GNA14: variants seen among roughly 807,000 people sequenced by gnomAD.
GNA14 encodes the protein guanine nucleotide-binding protein subunit alpha-14.
GNA14 carries 50 observed loss-of-function variants against 42.0 expected under a neutral mutation model. The ratio of observed to expected loss-of-function variants is 1.19; its 90% CI spans 0.95 to 1.51. The LOEUF (loss-of-function observed/expected upper bound fraction) is 1.51. Among genes scored for constraint, GNA14 ranks in the 40% most tolerant of loss-of-function variants. The pLI is 0.00. For synonymous variants in GNA14, 173 were observed against 163.1 expected, an observed-to-expected ratio of 1.06 and a Z score of -0.46; for missense variants, 473 against 446.2, an observed-to-expected ratio of 1.06 and a Z score of -0.54.
At chr9:77,608,436 C>T (rs2117936746) in intron 1 of GNA14, among the ~76,000 whole-genome samples, 1 of 152,264 alleles carries the variant, frequency 6.6e-6, no homozygotes, top group South Asian at 2.1e-4. Flanking sequence ...ATGAGTTCTT[C>T]CCTGTGAGAG....
rs138752055 is a variant in GNA14 at position 77,529,278 on chromosome 9, C to T, written c.125-25G>A. ...CCTATAAGACAAAACAAGTGGAAAA[C>T]GCTGTCAGCAGACTTCCAAAGGAAC... is the stretch of plus-strand genomic sequence containing the variant. On this transcript the variant is annotated intron_variant, in intron 1 of 6. Coordinates refer to ENST00000341700, the MANE Select transcript of GNA14 (RefSeq NM_004297.4). 1,032 of 1,588,044 alleles carry T rather than the reference C, an allele frequency of 6.5e-4. 3 individuals are homozygous for T. The African/African-American group carries it at 8.6e-3, about 13-fold the overall frequency.
At chr9:77,442,522 T>G (rs2131697800) in intron 2 of GNA14, among the ~76,000 whole-genome samples, 1 of 152,334 alleles carries the variant, frequency 6.6e-6, no homozygotes, top group South Asian at 2.1e-4. Context: ...AGTTGATGGT[T>G]AAGCAGCTCT....
intron 2 of GNA14, among the ~76,000 whole-genome samples, chr9:77,436,380 A>G (rs1835639195): frequency 6.6e-6 from 1 of 152,222 alleles, no homozygotes; most frequent in South Asian, 2.1e-4. Flanking sequence ...TACCTGAATT[A>G]TAAAGTGTTA....
rs151250754 is a variant in GNA14 at position 77,456,738 on chromosome 9, C to G, written c.310-22216G>C. ...TACATCGCTGATGCCAGCCCACATT[C>G]TTTAACCCTACTCCAAAGGATATTA... On this transcript the variant is annotated intron_variant, in intron 2 of 6. Coordinates refer to ENST00000341700, the MANE Select transcript of GNA14 (RefSeq NM_004297.4). Among the ~76,000 whole-genome samples, 1,071 of 152,204 alleles carry G rather than the reference C, an allele frequency of 7.0e-3. 5 individuals carry two copies. The highest frequency in any genetic ancestry group is 9.4e-3 in the Non-Finnish European group (637 of 68,024).
chr9:77,586,432 A>G (rs939542588), intron 1 of GNA14, among the ~76,000 whole-genome samples: 2 of 152,220 alleles, frequency 1.3e-5, no homozygotes, highest in African/African-American at 4.8e-5. Context: ...ATGAAAATAC[A>G]ATTCAGAGTG....
chr9:77,614,359 G>A (rs1261393467), intron 1 of GNA14, among the ~76,000 whole-genome samples: 2 of 152,002 alleles, frequency 1.3e-5, no homozygotes, highest in Non-Finnish European at 2.9e-5. Flanking sequence ...TGTCACACAG[G>A]GTCAGCCTAA....
intron 2 of GNA14, among the ~76,000 whole-genome samples, chr9:77,455,291 A>G (rs542595864): frequency 1.3e-5 from 2 of 152,364 alleles, no homozygotes; most frequent in Middle Eastern, 3.4e-3. Context: ...CTTCAAGGCT[A>G]GCAGAGACTC....
intron 5 of GNA14, among the ~76,000 whole-genome samples, chr9:77,426,540 G>A (rs1027182126): frequency 2.0e-5 from 3 of 152,072 alleles, no homozygotes; most frequent in East Asian, 1.9e-4. Flanking sequence ...TCCTGACCTC[G>A]CGATCCGCCC....
At chr9:77,494,253 A>G (rs986322597) in intron 2 of GNA14, among the ~76,000 whole-genome samples, 1 of 152,188 alleles carries the variant, frequency 6.6e-6, no homozygotes, top group African/African-American at 2.4e-5. Context: ...ATTCTGTTCC[A>G]TATTTTCTCC....
At chr9:77,588,387 G>A (rs922267672) in intron 1 of GNA14, among the ~76,000 whole-genome samples, 1 of 152,168 alleles carries the variant, frequency 6.6e-6, no homozygotes, top group South Asian at 2.1e-4. Context: ...AATGAAGAAT[G>A]TGAAAGTAAC....
chr9:77,558,397 AC>A (rs1736208526), intron 1 of GNA14, among the ~76,000 whole-genome samples: 1 of 152,124 alleles, frequency 6.6e-6, no homozygotes, highest in Non-Finnish European at 1.5e-5. Flanking sequence ...ATTGCTTCAA[AC>A]CTTTATTTTG....
intron 2 of GNA14, among the ~76,000 whole-genome samples, chr9:77,474,431 CA>C (rs1836383782): frequency 6.6e-6 from 1 of 151,834 alleles, no homozygotes; most frequent in Admixed American, 6.6e-5. Flanking sequence ...CCAGGAAACA[CA>C]AATCAAAACC....
chr9:77,602,831 C>A (rs1823590152), intron 1 of GNA14, among the ~76,000 whole-genome samples: 1 of 152,174 alleles, frequency 6.6e-6, no homozygotes, highest in Admixed American at 6.5e-5. Flanking sequence ...TTGAAAGGCC[C>A]TGTGCTTTGT....
chr9:77,606,008 T>C (rs1823640227), intron 1 of GNA14, among the ~76,000 whole-genome samples: 1 of 152,164 alleles, frequency 6.6e-6, no homozygotes, highest in Non-Finnish European at 1.5e-5. Flanking sequence ...TTCCTGTTAA[T>C]GGAGGGAAAA....
chr9:77,560,504 T>C (rs1369907055), intron 1 of GNA14, among the ~76,000 whole-genome samples: 1 of 152,032 alleles, frequency 6.6e-6, no homozygotes, highest in East Asian at 1.9e-4. Context: ...TTTGTAGAGA[T>C]TGGGTTTTCC....
intron 2 of GNA14, among the ~76,000 whole-genome samples, chr9:77,439,032 T>G (rs1273546812): frequency 6.6e-6 from 1 of 152,238 alleles, no homozygotes; most frequent in Non-Finnish European, 1.5e-5. Flanking sequence ...GATCACCTGT[T>G]GCATATAGTG....
chr9:77,525,909 T>TA (rs202169762), intron 2 of GNA14, among the ~76,000 whole-genome samples: 1,423 of 141,470 alleles, frequency 0.01, 10 homozygotes, highest in Non-Finnish European at 0.016. Context: ...GGACTTTTTT[T>TA]AAAAAAAAAA....
At chr9:77,572,283 G>A (rs1255076353) in intron 1 of GNA14, among the ~76,000 whole-genome samples, 2 of 152,152 alleles carry the variant, frequency 1.3e-5, no homozygotes, top group Non-Finnish European at 2.9e-5. Flanking sequence ...TAACACGTAG[G>A]GAAGAAGAAT....
At chr9:77,576,288 T>C (rs923347155) in intron 1 of GNA14, among the ~76,000 whole-genome samples, 4 of 152,178 alleles carry the variant, frequency 2.6e-5, no homozygotes, top group African/African-American at 9.7e-5. Context: ...AAAATAAAGA[T>C]AGTTATGACT....
Sources: allele counts gnomAD v4.1 joint callset (sites outside exome capture counted in the v4.1 genomes callset), GRCh38; gene constraint gnomAD v4.1.1; transcripts MANE v1.5; gene names NCBI Gene and HGNC (gene_info 2026-07-23, HGNC 2026-07-21).